SYNPO2: variants seen among roughly 807,000 people sequenced by gnomAD.
SYNPO2 encodes the protein synaptopodin-2.
A neutral mutation model predicts 85.0 loss-of-function variants in SYNPO2; 56 were observed. The observed-to-expected ratio is 0.66, with a 90% CI of 0.53 to 0.82. The LOEUF is 0.82. Among genes scored for constraint, SYNPO2 ranks in the 40% least tolerant of loss-of-function variants. The probability of loss-of-function intolerance (pLI) is 0.00; values close to 1 mark genes in which losing one functional copy is unlikely to be tolerated. For missense variants in SYNPO2, 1,575 were observed against 1,534.2 expected, an observed-to-expected ratio of 1.03 and a Z score of -0.44; for synonymous variants, 602 against 591.1, an observed-to-expected ratio of 1.02 and a Z score of -0.27.
chr4:118,971,618 A>T (rs777819184), intron 1 of SYNPO2, among the ~76,000 whole-genome samples: 14 of 152,218 alleles, frequency 9.2e-5, no homozygotes, highest in Non-Finnish European at 1.6e-4. Flanking sequence ...TGGAGAACAA[A>T]AGCTAGCTGG....
intron 2 of SYNPO2, among the ~76,000 whole-genome samples, chr4:119,024,310 G>A (rs1395030556): frequency 6.6e-6 from 1 of 152,190 alleles, no homozygotes; most frequent in Non-Finnish European, 1.5e-5. Flanking sequence ...ATTTTGCAAC[G>A]GAAGCTCTGG....
chr4:118,911,638 T>G lies in SYNPO2; in HGVS notation c.105+22497T>G, dbSNP rs187354075. On this transcript the variant is annotated intron_variant, in intron 1 of 4. Coordinates refer to ENST00000307142, the MANE Select transcript of SYNPO2 (RefSeq NM_133477.3). Reference sequence around the variant, plus strand: ...CTGTAGTTTGCATGAAGTCTCTGTGTAAGAGTCAAAGGAAAACTATGCATG... The same window carrying G: ...CTGTAGTTTGCATGAAGTCTCTGTGGAAGAGTCAAAGGAAAACTATGCATG... Among the ~76,000 whole-genome samples the G allele has an allele frequency of 1.7e-3, 253 of 152,292 alleles. 1 individual carries two copies. Among genetic ancestry groups the G allele is most frequent in the African/African-American group, 5.7e-3 (238 of 41,556 alleles).
At chr4:119,021,400 A>G (rs1737714987) in intron 1 of SYNPO2, among the ~76,000 whole-genome samples, 2 of 152,224 alleles carry the variant, frequency 1.3e-5, no homozygotes, top group Non-Finnish European at 2.9e-5. Flanking sequence ...CCATGAAAAC[A>G]TTGTTCAAGA....
intron 1 of SYNPO2, among the ~76,000 whole-genome samples, chr4:118,898,224 G>A (rs1437072775): frequency 6.6e-6 from 1 of 152,102 alleles, no homozygotes; most frequent in African/African-American, 2.4e-5. Flanking sequence ...TAAATCCAAT[G>A]TGTTTTGCTG....
At chr4:118,910,663 G>A (rs548753581) in intron 1 of SYNPO2, among the ~76,000 whole-genome samples, 127 of 152,092 alleles carry the variant, frequency 8.4e-4, no homozygotes, top group African/African-American at 3.0e-3. Context: ...ACATTTCATA[G>A]AAAAGCTATA....
intron 1 of SYNPO2, among the ~76,000 whole-genome samples, chr4:119,017,744 T>C (rs1324173751): frequency 6.6e-6 from 1 of 152,226 alleles, no homozygotes; most frequent in Non-Finnish European, 1.5e-5. Context: ...AGGAAGAGAT[T>C]GTCTTGTTTC....
chr4:119,020,633 T>C (rs1737688524), intron 1 of SYNPO2, among the ~76,000 whole-genome samples: 1 of 152,208 alleles, frequency 6.6e-6, no homozygotes, highest in Non-Finnish European at 1.5e-5. Flanking sequence ...ACATAAAACC[T>C]CTTTGGTCCT....
intron 1 of SYNPO2, among the ~76,000 whole-genome samples, chr4:119,007,216 GTATATATATATATATATATATATATATA>G (rs66895824): frequency 2.4e-3 from 113 of 46,254 alleles, no homozygotes; most frequent in African/African-American, 7.4e-3. Context: ...AAGAACAAAG[GTATATATATATATATATATATATATATA>G]TGTATATACA....
rs1738316594 is a variant in SYNPO2, at chr4:119,032,414, C to T, written c.3252+387C>T. 5 of 1,131,498 alleles carry T rather than the reference C, an allele frequency of 4.4e-6. No individual in the cohort carries two copies. The Admixed American group carries it at 1.8e-4, about 41-fold the overall frequency. 70.1% of individuals were successfully genotyped at this position (1,131,498 alleles called of 1,614,324 possible). On this transcript the variant is annotated intron_variant, in intron 4 of 4. Transcript: ENST00000307142. ...CTTTATGTAACATAACAGCTGTCCTCCTATGGTGAAAGGTTCAAATGTAGT... is the reference window on the plus strand; with the variant it reads ...CTTTATGTAACATAACAGCTGTCCTTCTATGGTGAAAGGTTCAAATGTAGT...
chr4:119,006,940 A>G (rs1191658622), intron 1 of SYNPO2, among the ~76,000 whole-genome samples: 1 of 151,738 alleles, frequency 6.6e-6, no homozygotes, highest in Admixed American at 6.6e-5. Flanking sequence ...ATATTTCTTC[A>G]GGTACACTTA....
chr4:119,051,700 T>G (rs1330710035), intron 4 of SYNPO2, among the ~76,000 whole-genome samples: 1 of 152,094 alleles, frequency 6.6e-6, no homozygotes, highest in Non-Finnish European at 1.5e-5. Flanking sequence ...ATATTTTACT[T>G]TAAAAAGAAA....
At chr4:118,903,027 A>T (rs1732810151) in intron 1 of SYNPO2, among the ~76,000 whole-genome samples, 1 of 152,202 alleles carries the variant, frequency 6.6e-6, no homozygotes, top group African/African-American at 2.4e-5. Flanking sequence ...CTTACTGTGT[A>T]ACTTTAAAGA....
At chr4:119,021,428 G>A (rs1380227004) in intron 1 of SYNPO2, among the ~76,000 whole-genome samples, 6 of 152,288 alleles carry the variant, frequency 3.9e-5, no homozygotes, top group Non-Finnish European at 5.9e-5. Context: ...CTTACCTGGT[G>A]TTCACCTCTC....
chr4:118,992,554 T>C (rs550940143), intron 1 of SYNPO2, among the ~76,000 whole-genome samples: 1 of 152,220 alleles, frequency 6.6e-6, no homozygotes, highest in South Asian at 2.1e-4. Flanking sequence ...TTATTATTAT[T>C]AGGAAATAGT....
chr4:118,872,974 A>G (rs1038562352), intron 1 of SYNPO2, among the ~76,000 whole-genome samples: 2 of 152,086 alleles, frequency 1.3e-5, no homozygotes, highest in African/African-American at 4.8e-5. Context: ...CTCCAGTTCC[A>G]TCGATGTTGC....
intron 1 of SYNPO2, among the ~76,000 whole-genome samples, chr4:118,866,150 T>C (rs1175431685): frequency 6.6e-6 from 1 of 152,194 alleles, no homozygotes; most frequent in Non-Finnish European, 1.5e-5. Flanking sequence ...TTGTAGCCCA[T>C]AGTTTTCCAA....
intron 1 of SYNPO2, among the ~76,000 whole-genome samples, chr4:118,860,004 T>C (rs1006872922): frequency 6.6e-6 from 1 of 152,206 alleles, no homozygotes; most frequent in African/African-American, 2.4e-5. Flanking sequence ...CTGTTCTCAA[T>C]AGTGGTTGTA....
chr4:118,982,463 T>G (rs1002834503), intron 1 of SYNPO2, among the ~76,000 whole-genome samples: 8 of 152,096 alleles, frequency 5.3e-5, no homozygotes, highest in Admixed American at 1.3e-4. Flanking sequence ...TTCCTTCATA[T>G]TTTGGGGGTC....
At chr4:118,927,082 C>A (rs961206618) in intron 1 of SYNPO2, among the ~76,000 whole-genome samples, 1 of 152,172 alleles carries the variant, frequency 6.6e-6, no homozygotes, top group African/African-American at 2.4e-5. Flanking sequence ...CACTCTTCTT[C>A]TGGAGTCTTC....
Sources: gnomAD v4.1 joint callset for allele counts (sites outside exome capture counted in the v4.1 genomes callset) on GRCh38, gnomAD v4.1.1 for gene constraint, MANE v1.5 for transcripts, NCBI Gene and HGNC (gene_info 2026-07-23, HGNC 2026-07-21) for gene names.